Variants in APOC2 observed in about 807,000 individuals in gnomAD.
The protein encoded by APOC2 is apolipoprotein C2, also known as apolipoprotein C-II.
In APOC2, 6 loss-of-function variants were observed where a neutral mutation model predicts 10.2. The ratio of observed to expected loss-of-function variants is 0.59; its 90% CI spans 0.32 to 1.16. The LOEUF (loss-of-function observed/expected upper bound fraction) is 1.16. Ranked by LOEUF, APOC2 falls within the 50% of genes most tolerant of loss-of-function variation. The pLI is 0.05. For synonymous variants in APOC2, 56 were observed against 48.5 expected (o/e 1.15, Z -0.64); for missense variants, 110 against 117.6 (o/e 0.94, Z 0.30).
At chr19:44,948,670 C>A (rs201090455) in intron 2 of APOC2, 31 bp from the exon 3 acceptor site, 2 of 1,613,542 alleles carry the variant, frequency 1.2e-6, no homozygotes, top group Non-Finnish European at 8.5e-7. Context: ...TGCAGCCCCA[C>A]GGGCTCTCCT....
chr19:44,949,114 GC>G (rs779524886), intron 3 of APOC2, 44 bp from the exon 4 acceptor site: 2 of 1,550,308 alleles, frequency 1.3e-6, no homozygotes, highest in Non-Finnish European at 8.8e-7. Context: ...AGGAGTCCAG[GC>G]CCCCAGCCCC....
intron 1 of APOC2, 44 bp from the exon 2 acceptor site, chr19:44,948,422 C>G: frequency 6.4e-7 from 1 of 1,551,534 alleles, no homozygotes; most frequent in Non-Finnish European, 8.9e-7. Flanking sequence ...CAGGAACAGC[C>G]GCCTCCAGTC....
At chr19:44,949,036 C>A in intron 3 of APOC2, 123 bp from the exon 4 acceptor site, 1 of 1,030,904 alleles carries the variant, frequency 9.7e-7, no homozygotes, top group Non-Finnish European at 1.3e-6. Context: ...ACCCAGGAGT[C>A]CAGGCCCCCA....
chr19:44,947,608 C>A (rs1970336122), intron 1 of APOC2, among the ~76,000 whole-genome samples: 1 of 152,172 alleles, frequency 6.6e-6, no homozygotes, highest in Non-Finnish European at 1.5e-5. Flanking sequence ...CCAGCCTGGG[C>A]AACAAAACAA....
intron 3 of APOC2, 146 bp from the exon 4 acceptor site, chr19:44,949,013 C>CCTCTTCCTCCCTCAGACCCAGGA (rs1343869000): frequency 1.0e-6 from 1 of 998,782 alleles, no homozygotes; most frequent in Admixed American, 3.4e-5. Context: ...GCCCCCAGCC[C>CCTCTTCCTCCCTCAGACCCAGGA]GTCCTCCCTC....
intron 1 of APOC2, among the ~76,000 whole-genome samples, chr19:44,946,366 A>C (rs1970321614): frequency 6.6e-6 from 1 of 152,014 alleles, no homozygotes; most frequent in Non-Finnish European, 1.5e-5. Flanking sequence ...CACTCCACAA[A>C]TCACAGAATT....
intron 1 of APOC2, among the ~76,000 whole-genome samples, chr19:44,947,866 G>A (rs1413990042): frequency 3.3e-5 from 5 of 151,544 alleles, no homozygotes; most frequent in African/African-American, 4.9e-5. Context: ...TCAGAAGTTC[G>A]AGACCAGCCT....
At chr19:44,946,877 C>T (rs1375366319) in intron 1 of APOC2, among the ~76,000 whole-genome samples, 4 of 152,028 alleles carry the variant, frequency 2.6e-5, no homozygotes, top group East Asian at 3.9e-4. Flanking sequence ...GTAGGCTGGG[C>T]GTGGTGGCTT....
intron 1 of APOC2, among the ~76,000 whole-genome samples, chr19:44,947,662 G>A (rs1970336776): frequency 6.6e-6 from 1 of 152,150 alleles, no homozygotes; most frequent in South Asian, 2.1e-4. Flanking sequence ...AGCTGGGCAT[G>A]GTGGCTCATG....
At chr19:44,946,926 C>T (rs1056218358) in intron 1 of APOC2, among the ~76,000 whole-genome samples, 59 of 152,224 alleles carry the variant, frequency 3.9e-4, no homozygotes, top group African/African-American at 1.1e-3. Flanking sequence ...CCAAGGCAAA[C>T]GGATCACTTG....
chr19:44,946,361 C>A (rs1970321543), intron 1 of APOC2, among the ~76,000 whole-genome samples: 1 of 152,080 alleles, frequency 6.6e-6, no homozygotes, highest in East Asian at 1.9e-4. Context: ...CACCACACTC[C>A]ACAAATCACA....
chr19:44,946,241 G>A (rs1568633623), intron 1 of APOC2, among the ~76,000 whole-genome samples, 166 bp downstream of exon 1: 1 of 151,300 alleles, frequency 6.6e-6, no homozygotes, highest in Non-Finnish European at 1.5e-5. Context: ...GTGTGAGAGA[G>A]AGAGAGAGGG....
chr19:44,948,923 A>C, intron 3 of APOC2, 63 bp downstream of exon 3: 1 of 1,600,928 alleles, frequency 6.2e-7, no homozygotes. Context: ...CAGGACCCAG[A>C]AGTTCAGGCC....
At position 44,948,795 on chromosome 19, in the gene APOC2, A is replaced by C; in HGVS notation, c.150A>C (p.Ser50=). ...AATCTCTCTCCAGTTACTGGGAGTCAGCAAAGACAGCCGCCCAGAACCTGT... is the reference window on the plus strand; with the variant it reads ...AATCTCTCTCCAGTTACTGGGAGTCCGCAAAGACAGCCGCCCAGAACCTGT... ...VKESLSSYWE[S]AKTAAQNLYE... Residue 50 remains serine, a synonymous_variant, in exon 3 of 4, where the codon TCA becomes TCC. Coordinates refer to ENST00000252490, the MANE Select transcript of APOC2 (RefSeq NM_000483.5). The C allele has an allele frequency of 6.2e-7, 1 of 1,614,174 alleles. No homozygotes were observed. The highest frequency in any genetic ancestry group is 8.5e-7 in the Non-Finnish European group (1 of 1,180,028).
In APOC2 at chr19:44,946,230, T is replaced by A. The variant is rs1449814298; in HGVS notation, c.-14+155T>A. Among the ~76,000 whole-genome samples, 879 of 132,362 alleles carry A rather than the reference T, an allele frequency of 6.6e-3. 8 individuals are homozygous for A. Among genetic ancestry groups the A allele is most frequent in the African/African-American group, 0.023 (788 of 34,666 alleles). 86.8% of individuals were successfully genotyped at this position (132,362 alleles called of 152,430 possible). On this transcript the variant is annotated intron_variant, in intron 1 of 3. Transcript: ENST00000252490. ...GTGTGTGTGTGTGTGTGTGTGTGTG[T>A]GTGTGAGAGAGAGAGAGAGGGAGAT...
At chr19:44,946,608 G>A (rs976041421) in intron 1 of APOC2, among the ~76,000 whole-genome samples, 5 of 152,058 alleles carry the variant, frequency 3.3e-5, no homozygotes, top group Non-Finnish European at 5.9e-5. Flanking sequence ...GATCACTTGA[G>A]GTCAGGAGTT....
Position 44,948,598 on chromosome 19 carries a change from C to G in APOC2, c.55+65C>G. On this transcript the variant is annotated intron_variant, in intron 2 of 3. Transcript: ENST00000252490. ...GAATGAGCTCCAAGCATCTTCCCAG[C>G]CCAGGCCCTTCTTACCTCTGCCTCT... The G allele has an allele frequency of 3.1e-6, 5 of 1,603,968 alleles. No homozygotes were observed. The South Asian group carries it at 5.5e-5, about 18-fold the overall frequency.
chr19:44,948,605 CCTT>C lies in APOC2; in HGVS notation c.55+76_55+78del. 2.5e-6 allele frequency: 4 copies of C among 1,603,684 alleles called. No individual in the cohort carries two copies. In the South Asian group the frequency reaches 3.3e-5, roughly 13 times the overall value. On this transcript the variant is annotated intron_variant, in intron 2 of 3. Coordinates refer to ENST00000252490, the MANE Select transcript of APOC2 (RefSeq NM_000483.5). ...CTCCAAGCATCTTCCCAGCCCAGGCCCTTCTTACCTCTGCCTCTGCCCTCTCCT... is the reference window on the plus strand; with the variant it reads ...CTCCAAGCATCTTCCCAGCCCAGGCCCTTACCTCTGCCTCTGCCCTCTCCT...
chr19:44,948,303 G>T, intron 1 of APOC2, 163 bp from the exon 2 acceptor site: 1 of 662,846 alleles, frequency 1.5e-6, no homozygotes, highest in Non-Finnish European at 2.8e-6. Context: ...TGGAAAGTGA[G>T]GCCCAAGAAG....
Sources: gnomAD v4.1 joint callset for allele counts (sites outside exome capture counted in the v4.1 genomes callset) on GRCh38, gnomAD v4.1.1 for gene constraint, MANE v1.5 for transcripts, NCBI Gene and HGNC (gene_info 2026-07-23, HGNC 2026-07-21) for gene names.